Variants in ZHX1 observed in about 807,000 individuals in gnomAD.
ZHX1 encodes the protein zinc fingers and homeoboxes 1.
Under a neutral mutation model 61.8 loss-of-function variants are expected in ZHX1, and 20 were observed. The observed-to-expected ratio is 0.32, with a 90% confidence interval of 0.23 to 0.47. The LOEUF is 0.47. ZHX1 is among the 20% of genes least tolerant of loss of function. The pLI, the probability that ZHX1 is intolerant of heterozygous loss-of-function variation, is 1.00. For missense variants in ZHX1, 800 were observed against 1,034.8 expected, an observed-to-expected ratio of 0.77 and a Z score of 3.11; for synonymous variants, 318 against 352.6, an observed-to-expected ratio of 0.90 and a Z score of 1.10.
At chr8:123,265,940 A>G (rs1368589180) in intron 2 of ZHX1, among the ~76,000 whole-genome samples, 2 of 152,216 alleles carry the variant, frequency 1.3e-5, no homozygotes, top group East Asian at 3.8e-4. Context: ...GAGAAAGCAG[A>G]CCTTAATGAC....
upstream of ZHX1, chr8:123,274,482 C>A (rs1188108164): frequency 6.6e-6 from 1 of 151,960 alleles, no homozygotes; most frequent in Non-Finnish European, 1.5e-5. Flanking sequence ...CTCCCGCGCG[C>A]GCGTCCTCCG....
rs535625301 is a variant in ZHX1, at chr8:123,251,305, T to C, written c.*4-985A>G. 4.6e-5 allele frequency among the ~76,000 whole-genome samples: 7 copies of C among 152,282 alleles called. No individual in the cohort carries two copies. The East Asian group carries it at 1.4e-3, about 29-fold the overall frequency. Reference sequence around the variant, plus strand: ...CTTGTTAAGCCGGCAAAACTGTGAGTCAACTAAACCTCTTTTCTTCATAAA... The same window carrying C: ...CTTGTTAAGCCGGCAAAACTGTGAGCCAACTAAACCTCTTTTCTTCATAAA... On this transcript the variant is annotated intron_variant, in intron 3 of 3. Coordinates refer to ENST00000395571, the MANE Select transcript of ZHX1 (RefSeq NM_007222.5).
chr8:123,250,411 T>C, intron 3 of ZHX1, 91 bp from the exon 4 acceptor site: 1 of 346,950 alleles, frequency 2.9e-6, no homozygotes, highest in Non-Finnish European at 5.6e-6. Context: ...TGAAAATACA[T>C]CTTTTGTATT....
chr8:123,265,523 G>A lies in ZHX1; in HGVS notation c.-226+1750C>T, dbSNP rs79558978. ...CATATTAAAACAAAAGGTATCCACC[G>A]TGTTAAAAAAAATAAAGGTGATTTT... On this transcript the variant is annotated intron_variant, in intron 2 of 3. Coordinates refer to ENST00000395571, the MANE Select transcript of ZHX1 (RefSeq NM_007222.5). Among the ~76,000 whole-genome samples, 8 of 151,984 alleles carry A rather than the reference G, an allele frequency of 5.3e-5. 1 individual carries two copies. The East Asian group carries it at 9.7e-4, about 18-fold the overall frequency.
rs775313116 is a variant in ZHX1 at position 123,254,075 on chromosome 8, A to G, written c.1872T>C (p.Ala624=). The change falls in exon 3 of 4, where the codon GCT becomes GCC. Residue 624 remains alanine (A), a synonymous_variant. Transcript: ENST00000395571. The surrounding 1 kb of genome is among the most constrained non-coding windows in gnomAD (Gnocchi z 4.1). The part of the protein sequence containing the change: ...AWFTEKKKSK[A]LKEEKMEIDE... Reference sequence around the variant, plus strand: ...CTATTTCCATTTTCTCTTCCTTTAAAGCTTTTGATTTCTTCTTCTCTGTAA... The same window carrying G: ...CTATTTCCATTTTCTCTTCCTTTAAGGCTTTTGATTTCTTCTTCTCTGTAA... 2 of 1,613,940 alleles carry G rather than the reference A, an allele frequency of 1.2e-6. No homozygotes were observed. Among genetic ancestry groups the G allele is most frequent in the South Asian group, 2.2e-5 (2 of 91,072 alleles).
chr8:123,254,173 C>A lies in ZHX1; in HGVS notation c.1774G>T (p.Val592Leu). The A allele has an allele frequency of 6.2e-7, 1 of 1,614,084 alleles. No homozygotes were observed. Among genetic ancestry groups the A allele is most frequent in the Non-Finnish European group, 8.5e-7 (1 of 1,180,006 alleles). The change falls in exon 3 of 4, where the codon GTA becomes TTA. Residue 592 changes from valine (V) to leucine (L), a missense_variant. By Grantham distance (32) the Val-to-Leu change is conservative. Coordinates refer to ENST00000395571, the MANE Select transcript of ZHX1 (RefSeq NM_007222.5). The surrounding 1 kb of genome is among the most constrained non-coding windows in gnomAD (Gnocchi z 4.1). ...CTATTTAATTCTTCATCTGTAAGTA[C>A]AGAGCTGTTGAGAAAACTTGCCTGA... Reference protein sequence around the residue: ...VLQASFLNSSVLTDEELNRLR... With the variant: ...VLQASFLNSSLLTDEELNRLR...
rs1323845354 is a variant in ZHX1, at chr8:123,256,063, A to C, written c.-117T>G. On this transcript the variant is annotated 5_prime_UTR_variant, in exon 3 of 4. Transcript: ENST00000395571. ...GTTCTTCAAGTCCATTTTTGTGCTC[A>C]ACAAGTCTCATTAGCAGCTTTCTCA... is the stretch of plus-strand genomic sequence containing the variant. 3 of 904,316 alleles carry C rather than the reference A, an allele frequency of 3.3e-6. No individual in the cohort carries two copies. The Admixed American group carries it at 9.4e-5, about 28-fold the overall frequency. 56.0% of individuals were successfully genotyped at this position (904,316 alleles called of 1,614,324 possible).
At position 123,256,068 on chromosome 8, in the gene ZHX1, G is replaced by T; in HGVS notation, c.-122C>A. On this transcript the variant is annotated 5_prime_UTR_variant, in exon 3 of 4. Coordinates refer to ENST00000395571, the MANE Select transcript of ZHX1 (RefSeq NM_007222.5). ...TCAAGTCCATTTTTGTGCTCAACAA[G>T]TCTCATTAGCAGCTTTCTCATGGTG... The T allele has an allele frequency of 2.4e-6, 2 of 838,932 alleles. No individual in the cohort carries two copies. The highest frequency in any genetic ancestry group is 3.6e-6 in the Non-Finnish European group (2 of 555,946). The allele number at this position is 838,932 out of a possible 1,614,324, so 52.0% of individuals were successfully genotyped here. A position where few individuals can be genotyped will look rare whatever the true frequency, so the allele number is the denominator to read the frequency against.
chr8:123,264,743 T>C (rs1321627342), intron 2 of ZHX1, among the ~76,000 whole-genome samples: 1 of 151,186 alleles, frequency 6.6e-6, no homozygotes, highest in Non-Finnish European at 1.5e-5. Flanking sequence ...TTTTTTTTAG[T>C]AGAGACGGGG....
At chr8:123,263,005 AGAAG>A (rs1383945193) in intron 2 of ZHX1, 1 of 146,926 alleles carries the variant, frequency 6.8e-6, no homozygotes, top group East Asian at 2.1e-4. Context: ...AGGAAGAAAG[AGAAG>A]GAAGAGAAGC....
chr8:123,264,651 C>T (rs1201168946), intron 2 of ZHX1, among the ~76,000 whole-genome samples: 7 of 152,096 alleles, frequency 4.6e-5, no homozygotes, highest in African/African-American at 1.7e-4. Context: ...CGCCGCCTCC[C>T]AGGTTCAAGC....
chr8:123,274,491 C>T (rs1586837670), upstream of ZHX1: 1 of 152,098 alleles, frequency 6.6e-6, no homozygotes, highest in South Asian at 2.1e-4. Context: ...GCGCGTCCTC[C>T]GCGCGCCCCC....
At chr8:123,256,321 A>C (rs1826068439) in intron 2 of ZHX1, 150 bp from the exon 3 acceptor site, 1 of 162,674 alleles carries the variant, frequency 6.1e-6, no homozygotes, top group Non-Finnish European at 1.3e-5. Flanking sequence ...ATGTCCTCTA[A>C]AGATCAAAAT....
chr8:123,271,294 CA>C (rs1416317993), intron 1 of ZHX1, among the ~76,000 whole-genome samples: 32 of 152,098 alleles, frequency 2.1e-4, no homozygotes, highest in African/African-American at 7.5e-4. Flanking sequence ...TTAGTCTTAA[CA>C]GTAAATGTGC....
At chr8:123,259,505 C>T (rs1826180499) in intron 2 of ZHX1, among the ~76,000 whole-genome samples, 1 of 151,950 alleles carries the variant, frequency 6.6e-6, no homozygotes, top group African/African-American at 2.4e-5. Flanking sequence ...TGTAATCCAG[C>T]TATTCAGGAA....
At chr8:123,259,703 G>A (rs965484781) in intron 2 of ZHX1, among the ~76,000 whole-genome samples, 1 of 152,216 alleles carries the variant, frequency 6.6e-6, no homozygotes, top group African/African-American at 2.4e-5. Flanking sequence ...TGGAATCTGA[G>A]AGAGACTATA....
intron 2 of ZHX1, among the ~76,000 whole-genome samples, chr8:123,261,534 T>C (rs1415495941): frequency 6.6e-6 from 1 of 152,180 alleles, no homozygotes; most frequent in Non-Finnish European, 1.5e-5. Context: ...GTTTTTCAGG[T>C]ACCAGCAGTG....
intron 2 of ZHX1, among the ~76,000 whole-genome samples, chr8:123,265,339 G>A (rs977770020): frequency 2.0e-5 from 3 of 151,958 alleles, no homozygotes; most frequent in Non-Finnish European, 4.4e-5. Context: ...TATATACCGA[G>A]AATGTTTGGG....
At position 123,255,213 on chromosome 8, in the gene ZHX1, C is replaced by T. The variant is rs1563809690; in HGVS notation, c.734G>A (p.Ser245Asn). 1.9e-6 allele frequency: 3 copies of T among 1,614,152 alleles called. No individual in the cohort carries two copies. Among genetic ancestry groups the T allele is most frequent in the Middle Eastern group, 1.6e-4 (1 of 6,062 alleles). The change falls in exon 3 of 4, where the codon AGT becomes AAT. Residue 245 changes from serine to asparagine, a missense_variant. By Grantham distance (46) the Ser-to-Asn change is conservative. Coordinates refer to ENST00000395571, the MANE Select transcript of ZHX1 (RefSeq NM_007222.5). ...TGGTGTCACTACCGTGCTGGCAGTACTTGGATGTATTCTGTTTACAATGGA... is the reference window on the plus strand; with the variant it reads ...TGGTGTCACTACCGTGCTGGCAGTATTTGGATGTATTCTGTTTACAATGGA... ...STSIVNRIHP[S>N]TASTVVTPAA... is the part of the protein sequence containing the mutation.
Sources: allele counts gnomAD v4.1 joint callset (sites outside exome capture counted in the v4.1 genomes callset), GRCh38; gene constraint gnomAD v4.1.1; non-coding constraint Gnocchi (gnomAD v3.1); transcripts MANE v1.5; gene names NCBI Gene and HGNC (gene_info 2026-07-23, HGNC 2026-07-21).